Variants in PDGFRA observed in about 807,000 individuals in gnomAD.
The protein encoded by PDGFRA is platelet-derived growth factor receptor alpha.
PDGFRA carries 25 observed loss-of-function variants against 121.5 expected under a neutral mutation model. The observed-to-expected ratio is 0.21, with a 90% CI of 0.15 to 0.29. The LOEUF is 0.29. Among genes scored for constraint, PDGFRA ranks in the 10% least tolerant of loss-of-function variants. PDGFRA has a pLI of 1.00. For missense variants in PDGFRA, 1,008 were observed against 1,345.1 expected (o/e 0.75, Z 3.92); for synonymous variants, 463 against 494.8 (o/e 0.94, Z 0.85).
Position 54,275,083 on chromosome 4 carries a change from G to T in PDGFRA, c.1786+110G>T. The T allele has an allele frequency of 2.6e-6, 3 of 1,168,736 alleles. No individual in the cohort carries two copies. The South Asian group carries it at 3.7e-5, about 15-fold the overall frequency. The allele number at this position is 1,168,736 out of a possible 1,614,324, so 72.4% of individuals were successfully genotyped here. On this transcript the variant is annotated intron_variant, in intron 12 of 22. Coordinates refer to ENST00000257290, the MANE Select transcript of PDGFRA (RefSeq NM_006206.6). Reference sequence around the variant, plus strand: ...CTGAGCTTGTGCTTAGTAAGAACTAGGCAATGGAAATTTGCTTTCAGAAAT... The same window carrying T: ...CTGAGCTTGTGCTTAGTAAGAACTATGCAATGGAAATTTGCTTTCAGAAAT...
At chr4:54,269,746 G>A (rs532818410) in intron 7 of PDGFRA, among the ~76,000 whole-genome samples, 5 of 150,928 alleles carry the variant, frequency 3.3e-5, no homozygotes, top group South Asian at 4.2e-4. Context: ...GGGTTCAAGC[G>A]ATTCTTCAGC....
At chr4:54,261,839 A>C (rs974402075) in intron 3 of PDGFRA, among the ~76,000 whole-genome samples, 1 of 148,772 alleles carries the variant, frequency 6.7e-6, no homozygotes, top group African/African-American at 2.5e-5. Flanking sequence ...ATTCACTATC[A>C]ACATACATTT....
chr4:54,280,283 C>T (rs1156963904), intron 15 of PDGFRA, 33 bp from the exon 16 acceptor site: 3 of 1,599,498 alleles, frequency 1.9e-6, no homozygotes, highest in East Asian at 2.2e-5. Flanking sequence ...CAGAAGGGCA[C>T]CCTGGGTAAG....
rs376486197 is a variant in PDGFRA, at chr4:54,272,419, C to T, written c.1263C>T (p.Val421=). ...TTCCTTCATCCATTCTGGACTTGGT[C>T]GATGATCACCATGGCTCAACTGGGG... The part of the protein sequence containing the change: ...TQVPSSILDL[V]DDHHGSTGGQ... Residue 421 remains valine (V), a synonymous_variant, in exon 9 of 23, where the codon GTC becomes GTT. Transcript: ENST00000257290. 2.0e-5 allele frequency: 32 copies of T among 1,613,850 alleles called. No homozygotes were observed. Among genetic ancestry groups the T allele is most frequent in the African/African-American group, 1.9e-4 (14 of 74,882 alleles).
rs1204540280 is a variant in PDGFRA, at chr4:54,272,510, G to T, written c.1354G>T (p.Asp452Tyr). Residue 452 changes from aspartate to tyrosine, a missense_variant, in exon 9 of 23, where the codon GAT (aspartate) becomes TAT (tyrosine). This residue lies in a region of PDGFRA where 575 missense variants were observed against 701.8 expected (regional missense o/e 0.82). Transcript: ENST00000257290. ...LPDIEWMICKDIKKCNNETSW... is the reference protein window; with the variant it reads ...LPDIEWMICKYIKKCNNETSW... ...TGATATTGAGTGGATGATATGCAAAGATATTAAGAAGTATGGAAAACAGAT... is the reference window on the plus strand; with the variant it reads ...TGATATTGAGTGGATGATATGCAAATATATTAAGAAGTATGGAAAACAGAT... The T allele has an allele frequency of 5.6e-6, 9 of 1,613,900 alleles. No homozygotes were observed. Among genetic ancestry groups the T allele is most frequent in the Non-Finnish European group, 6.8e-6 (8 of 1,180,006 alleles).
At chr4:54,276,754 C>A (rs1054081901) in intron 12 of PDGFRA, 2 of 153,360 alleles carry the variant, frequency 1.3e-5, no homozygotes, top group African/African-American at 4.8e-5. Flanking sequence ...GACTGACACC[C>A]CGGGAAATGT....
chr4:54,259,726 A>G (rs1421415312), intron 2 of PDGFRA, among the ~76,000 whole-genome samples: 2 of 152,218 alleles, frequency 1.3e-5, no homozygotes, highest in South Asian at 2.1e-4. Flanking sequence ...CCCCATCTAC[A>G]GAGTAATAGG....
chr4:54,244,131 G>C (rs1721479512), intron 1 of PDGFRA, among the ~76,000 whole-genome samples: 1 of 152,218 alleles, frequency 6.6e-6, no homozygotes, highest in Non-Finnish European at 1.5e-5. Context: ...TCCATCTCTG[G>C]GGGTAGGGCA....
At chr4:54,246,671 G>A (rs1577683941) in intron 1 of PDGFRA, among the ~76,000 whole-genome samples, 1 of 151,628 alleles carries the variant, frequency 6.6e-6, no homozygotes, top group African/African-American at 2.4e-5. Context: ...AAAAGCAAGA[G>A]CAAACACATT....
At position 54,261,366 on chromosome 4, in the gene PDGFRA, A is replaced by C. The variant is rs754548894; in HGVS notation, c.321A>C (p.Thr107=). 4 of 1,614,056 alleles carry C rather than the reference A, an allele frequency of 2.5e-6. No homozygotes were observed. Among genetic ancestry groups the C allele is most frequent in the Non-Finnish European group, 8.5e-7 (1 of 1,180,026 alleles). ...CTTGCTATTACAACCACACTCAGACAGAAGAGAATGAGCTTGAAGGCAGGC... is the reference window on the plus strand; with the variant it reads ...CTTGCTATTACAACCACACTCAGACCGAAGAGAATGAGCTTGAAGGCAGGC... ...LYTCYYNHTQ[T]EENELEGRHI... Residue 107 remains threonine (T), a synonymous_variant, in exon 3 of 23, where the codon ACA becomes ACC. Coordinates refer to ENST00000257290, the MANE Select transcript of PDGFRA (RefSeq NM_006206.6).
intron 6 of PDGFRA, 38 bp downstream of exon 6, chr4:54,267,498 G>T (rs762081590): frequency 1.2e-6 from 2 of 1,613,650 alleles, no homozygotes; most frequent in Non-Finnish European, 1.7e-6. Context: ...TGTCCATGCT[G>T]CTCGGGATCC....
At chr4:54,279,605 A>G (rs1379572147) in intron 15 of PDGFRA, among the ~76,000 whole-genome samples, 2 of 152,026 alleles carry the variant, frequency 1.3e-5, no homozygotes, top group Non-Finnish European at 2.9e-5. Context: ...ATTTGGTTAC[A>G]TGAGTAAATT....
chr4:54,247,900 AAATC>A (rs1457027035), intron 1 of PDGFRA, among the ~76,000 whole-genome samples: 1 of 152,214 alleles, frequency 6.6e-6, no homozygotes, highest in Non-Finnish European at 1.5e-5. Context: ...CAATGTACAA[AAATC>A]ACAAGCATTC....
At chr4:54,264,057 C>A in intron 4 of PDGFRA, 130 bp downstream of exon 4, 1 of 786,328 alleles carries the variant, frequency 1.3e-6, no homozygotes, top group Non-Finnish European at 2.1e-6. Context: ...GGATTTAGGA[C>A]CCCAGCTAAT....
At chr4:54,229,500 A>C in intron 1 of PDGFRA, 85 bp downstream of exon 1, 1 of 389,838 alleles carries the variant, frequency 2.6e-6, no homozygotes, top group Non-Finnish European at 4.5e-6. Flanking sequence ...AGTAACTTCA[A>C]ACTTTGGGCG....
Position 54,272,407 on chromosome 4 carries a change from T to C in PDGFRA, c.1251T>C (p.Ile417=). ...TGCCTCTTGCAGTTCCTTCATCCATTCTGGACTTGGTCGATGATCACCATG... is the reference window on the plus strand; with the variant it reads ...TGCCTCTTGCAGTTCCTTCATCCATCCTGGACTTGGTCGATGATCACCATG... ...FELLTQVPSS[I]LDLVDDHHGS... is the part of the protein sequence containing the mutation. The change falls in exon 9 of 23, where the codon ATT becomes ATC. Residue 417 remains isoleucine (I), a synonymous_variant. Transcript: ENST00000257290. 1.2e-6 allele frequency: 2 copies of C among 1,613,990 alleles called. No homozygotes were observed. Among genetic ancestry groups the C allele is most frequent in the Non-Finnish European group, 1.7e-6 (2 of 1,179,998 alleles).
At chr4:54,260,409 T>TG (rs869064049) in intron 2 of PDGFRA, among the ~76,000 whole-genome samples, 48 of 101,402 alleles carry the variant, frequency 4.7e-4, no homozygotes, top group Admixed American at 1.2e-3. Flanking sequence ...TTTTTTTTTT[T>TG]TTTTTTTTTT....
intron 5 of PDGFRA, among the ~76,000 whole-genome samples, chr4:54,266,439 A>C (rs1723031999): frequency 1.5e-5 from 2 of 135,484 alleles, no homozygotes; most frequent in African/African-American, 2.8e-5. Context: ...GGAGATGAGG[A>C]TCTCACTACA....
intron 1 of PDGFRA, among the ~76,000 whole-genome samples, chr4:54,257,323 T>C (rs1213806315): frequency 6.6e-6 from 1 of 152,254 alleles, no homozygotes; most frequent in Non-Finnish European, 1.5e-5. Flanking sequence ...GTTTAGCATA[T>C]AATCAAGAAA....
Sources: gnomAD v4.1 joint callset for allele counts (sites outside exome capture counted in the v4.1 genomes callset) on GRCh38, gnomAD v4.1.1 for gene constraint, gnomAD v4.1.1 regional missense constraint, MANE v1.5 for transcripts, NCBI Gene and HGNC (gene_info 2026-07-23, HGNC 2026-07-21) for gene names.